The following HLA-DQB1 variants were observed in gnomAD, a reference collection of about 807,000 sequenced individuals.
HLA-DQB1 encodes the protein major histocompatibility complex, class II, DQ beta 1.
HLA-DQB1 carries 13 observed loss-of-function variants against 26.4 expected under a neutral mutation model. The ratio of observed to expected loss-of-function variants is 0.49; its 90% CI spans 0.32 to 0.78. The LOEUF is 0.78. HLA-DQB1 is among the 30% of genes least tolerant of loss of function. HLA-DQB1 has a pLI of 0.03. For synonymous variants in HLA-DQB1, 60 were observed against 129.1 expected, an observed-to-expected ratio of 0.46 and a Z score of 3.63; for missense variants, 158 against 326.2, an observed-to-expected ratio of 0.48 and a Z score of 3.97.
chr6:32,661,508 C>G, intron 3 of HLA-DQB1, 51 bp from the exon 4 acceptor site: 1 of 1,041,182 alleles, frequency 9.6e-7, no homozygotes. Flanking sequence ...CCATAGCATC[C>G]CTGCTGAGGA....
At chr6:32,662,701 A>G (rs9274181) in intron 2 of HLA-DQB1, 2,085 of 46,992 alleles carry the variant, frequency 0.044, 6 homozygotes, top group Admixed American at 0.11. Flanking sequence ...TCTTTTACAC[A>G]TCTCATCCTT....
chr6:32,666,250 A>G (rs281861062), intron 1 of HLA-DQB1, among the ~76,000 whole-genome samples: 1 of 81,558 alleles, frequency 1.2e-5, no homozygotes, highest in African/African-American at 4.1e-5. Flanking sequence ...GTAAATGTAC[A>G]CTTTATCTCC....
intron 2 of HLA-DQB1, chr6:32,662,623 A>G (rs9274175): frequency 0.091 from 11,142 of 122,524 alleles, 2,908 homozygotes; most frequent in South Asian, 0.14. Context: ...ATGTTTGTCC[A>G]CAACTCAATT....
intron 3 of HLA-DQB1, 168 bp from the exon 4 acceptor site, chr6:32,661,625 A>T: frequency 2.2e-6 from 1 of 458,352 alleles, no homozygotes; most frequent in Non-Finnish European, 3.7e-6. Context: ...GTCCTTGGAT[A>T]CAGTGAATAG....
intron 2 of HLA-DQB1, chr6:32,662,962 T>C (rs1292750616): frequency 7.4e-6 from 1 of 135,812 alleles, no homozygotes; most frequent in African/African-American, 2.7e-5. Flanking sequence ...TATTCTGAGA[T>C]CCGTGCAGAG....
intron 1 of HLA-DQB1, among the ~76,000 whole-genome samples, chr6:32,666,102 A>G (rs9274490): frequency 0.21 from 22,419 of 107,918 alleles, 2,259 homozygotes; most frequent in South Asian, 0.4. Context: ...TTGCTGCCTC[A>G]CATTTTCCAA....
rs9273608 is a variant in HLA-DQB1 at position 32,661,333 on chromosome 6, C to T, written c.772+14G>A. ...TCACAGCCCATCTTCCCCTTTTCCC[C>T]TGGGGTTCCTCACCTTTCTGACTCC... On this transcript the variant is annotated intron_variant, in intron 4 of 4. Coordinates refer to ENST00000434651, the Ensembl canonical transcript of HLA-DQB1. The T allele has an allele frequency of 0.27, 330,347 of 1,220,378 alleles. 60,324 individuals are homozygous for T. Among genetic ancestry groups the T allele is most frequent in the Admixed American group, 0.51 (22,531 of 43,840 alleles). 75.6% of individuals were successfully genotyped at this position (1,220,378 alleles called of 1,614,324 possible). A position where few individuals can be genotyped will look rare whatever the true frequency, so the allele number is the denominator to read the frequency against.
intron 1 of HLA-DQB1, among the ~76,000 whole-genome samples, chr6:32,665,855 A>G (rs9274471): frequency 0.29 from 32,834 of 113,554 alleles, 5,951 homozygotes; most frequent in Middle Eastern, 0.47. Flanking sequence ...TGGTTTCACA[A>G]TATGTGTTAT....
chr6:32,662,676 ACATCTTTCC>A (rs1783264465), intron 2 of HLA-DQB1: 1 of 77,366 alleles, frequency 1.3e-5, no homozygotes, highest in Non-Finnish European at 2.8e-5. Flanking sequence ...AAAAAATGAC[ACATCTTTCC>A]CCGCCTCTTT....
intron 1 of HLA-DQB1, among the ~76,000 whole-genome samples, chr6:32,665,648 T>C (rs9274461): frequency 0.34 from 42,435 of 124,566 alleles, 9,549 homozygotes; most frequent in Middle Eastern, 0.5. Context: ...CATTTATTCA[T>C]GGAAAGAGCA....
At chr6:32,664,280 C>CA (rs200072306) in intron 2 of HLA-DQB1, 1 of 95,232 alleles carries the variant, frequency 1.1e-5, no homozygotes, top group Admixed American at 1.3e-4. Flanking sequence ...GATTTGAAGC[C>CA]AAAAAGTCAA....
In HLA-DQB1 at chr6:32,661,595, G is replaced by GA. The variant is rs1783023171; in HGVS notation, c.662-139_662-138insT. The GA allele has an allele frequency of 1.8e-5, 9 of 499,426 alleles. 1 individual carries two copies. Among genetic ancestry groups the GA allele is most frequent in the Non-Finnish European group, 2.2e-5 (7 of 317,294 alleles). 30.9% of individuals were successfully genotyped at this position (499,426 alleles called of 1,614,324 possible). ...TCTCCATTCAGACCACCCCTAAGGA[G>GA]GGGAAAGACCAGCCAATAGGTCCTT... On this transcript the variant is annotated intron_variant, in intron 3 of 4. Coordinates refer to ENST00000434651, the Ensembl canonical transcript of HLA-DQB1.
intron 2 of HLA-DQB1, chr6:32,663,010 A>C (rs281863615): frequency 7.0e-6 from 1 of 142,404 alleles, no homozygotes; most frequent in Non-Finnish European, 1.5e-5. Context: ...GTGAACATAT[A>C]CATATAACTG....
chr6:32,661,931 T>TG (rs33980016), intron 3 of HLA-DQB1, 36 bp downstream of exon 3: 948,816 of 1,289,952 alleles, frequency 0.74, 368,671 homozygotes, highest in East Asian at 0.88. Flanking sequence ...CTTTGTCTTG[T>TG]GGGCCCATAG....
At chr6:32,662,713 C>T (rs281863816) in intron 2 of HLA-DQB1, 4,272 of 18,396 alleles carry the variant, frequency 0.23, 232 homozygotes, top group Admixed American at 0.37. Context: ...CTCATCCTTT[C>T]CTTTTAGGCC....
At chr6:32,661,839 G>T in intron 3 of HLA-DQB1, 128 bp downstream of exon 3, 1 of 771,590 alleles carries the variant, frequency 1.3e-6, no homozygotes, top group Non-Finnish European at 2.1e-6. Flanking sequence ...CATGGAGCAA[G>T]AGGTGCTCTA....
intron 3 of HLA-DQB1, 110 bp downstream of exon 3, chr6:32,661,857 G>T (rs281864215): frequency 1.1e-6 from 1 of 908,748 alleles, no homozygotes; most frequent in Non-Finnish European, 1.7e-6. Flanking sequence ...CTAGTCTCCT[G>T]TGATTCCCAG....
chr6:32,665,853 C>T (rs66481651), intron 1 of HLA-DQB1, among the ~76,000 whole-genome samples: 23,239 of 121,216 alleles, frequency 0.19, 2,757 homozygotes, highest in South Asian at 0.28. Context: ...AGTGGTTTCA[C>T]AATATGTGTT....
At chr6:32,662,096 G>A in exon 3 of HLA-DQB1, 1 of 1,520,826 alleles carries the variant, frequency 6.6e-7, no homozygotes, top group Non-Finnish European at 8.9e-7. Context: ...CTAATAAGGG[G>A]GGTGGACACA....
Sources: gnomAD v4.1 joint callset for allele counts (sites outside exome capture counted in the v4.1 genomes callset) on GRCh38, gnomAD v4.1.1 for gene constraint, MANE v1.5 for transcripts, NCBI Gene and HGNC (gene_info 2026-07-23, HGNC 2026-07-21) for gene names.